Variants in ZNF654 observed in about 807,000 individuals in gnomAD.
ZNF654 encodes the protein zinc finger protein 654, also known as melanoma-associated antigen.
A neutral mutation model predicts 95.3 loss-of-function variants in ZNF654; 19 were observed. That is an observed-to-expected ratio of 0.20 (90% CI 0.14 to 0.29). ZNF654 has a LOEUF of 0.29. Ranked by LOEUF, ZNF654 falls within the 10% of genes least tolerant of loss-of-function variation. The probability of loss-of-function intolerance (pLI) is 1.00; values close to 1 mark genes in which losing one functional copy is unlikely to be tolerated. For missense variants in ZNF654, 1,046 were observed against 1,341.0 expected (o/e 0.78, Z 3.44); for synonymous variants, 413 against 457.9 (o/e 0.90, Z 1.25).
intron 3 of ZNF654, among the ~76,000 whole-genome samples, chr3:88,116,987 A>T (rs183039066): frequency 3.9e-4 from 60 of 152,290 alleles, no homozygotes; most frequent in Non-Finnish European, 7.2e-4. Context: ...AAGACAGTTT[A>T]AAAAAATTTT....
intron 3 of ZNF654, among the ~76,000 whole-genome samples, chr3:88,117,315 A>G (rs1311449107): frequency 6.6e-6 from 1 of 152,236 alleles, no homozygotes; most frequent in African/African-American, 2.4e-5. Context: ...CATGTAGAAC[A>G]AACAGGATTC....
intron 1 of ZNF654, among the ~76,000 whole-genome samples, chr3:88,073,141 T>G (rs1313804054): frequency 6.6e-6 from 1 of 152,098 alleles, no homozygotes; most frequent in African/African-American, 2.4e-5. Context: ...AGACCAACAG[T>G]ATGAGCATCA....
intron 3 of ZNF654, among the ~76,000 whole-genome samples, chr3:88,122,813 C>T (rs979466576): frequency 6.6e-6 from 1 of 151,764 alleles, no homozygotes; most frequent in African/African-American, 2.4e-5. Flanking sequence ...AGTTCGATAC[C>T]AGCCTGGCCA....
At chr3:88,109,972 G>A (rs1329105413) in intron 2 of ZNF654, among the ~76,000 whole-genome samples, 2 of 152,060 alleles carry the variant, frequency 1.3e-5, no homozygotes, top group Non-Finnish European at 2.9e-5. Flanking sequence ...TAATTAGCCT[G>A]TTACATTTCA....
At chr3:88,109,938 A>T (rs543936492) in intron 2 of ZNF654, among the ~76,000 whole-genome samples, 43 of 152,264 alleles carry the variant, frequency 2.8e-4, no homozygotes, top group South Asian at 1.4e-3. Flanking sequence ...TCAGATTTTT[A>T]AAAAAATCTT....
chr3:88,140,110 T>C lies in ZNF654; in HGVS notation c.2441T>C (p.Val814Ala). Residue 814 changes from valine (V) to alanine (A), a missense_variant, in exon 8 of 9, where the codon GTG (valine) becomes GCG (alanine). By Grantham distance (64) the Val-to-Ala change is moderately conservative (BLOSUM62 0). This residue lies in a region of ZNF654 where 495 missense variants were observed against 537.0 expected (regional missense o/e 0.92). Transcript: ENST00000636215. ...CTTAATAGACATAGCTATCCAAATG[T>C]GTATTTTTGTTTGCATTTTAATTGC... ...DHLNRHSYPNVYFCLHFNCNE... is the reference protein window; with the variant it reads ...DHLNRHSYPNAYFCLHFNCNE... 1 of 1,613,890 alleles carries C rather than the reference T, an allele frequency of 6.2e-7. No individual in the cohort carries two copies. Among genetic ancestry groups the C allele is most frequent in the South Asian group, 1.1e-5 (1 of 91,076 alleles).
intron 2 of ZNF654, among the ~76,000 whole-genome samples, chr3:88,096,375 G>A (rs1422275407): frequency 6.6e-6 from 1 of 152,070 alleles, no homozygotes; most frequent in Non-Finnish European, 1.5e-5. Context: ...GTGTGAGAGG[G>A]TACCTCTGAA....
At chr3:88,076,377 T>TC (rs937723121) in intron 1 of ZNF654, among the ~76,000 whole-genome samples, 29 of 152,300 alleles carry the variant, frequency 1.9e-4, no homozygotes, top group African/African-American at 6.3e-4. Flanking sequence ...TAATTTTTTT[T>TC]CCCCATTTTC....
At chr3:88,116,221 T>G (rs181629637) in intron 3 of ZNF654, among the ~76,000 whole-genome samples, 4 of 152,044 alleles carry the variant, frequency 2.6e-5, no homozygotes, top group Admixed American at 2.0e-4. Flanking sequence ...TATACCCACA[T>G]TAAAAATAAG....
intron 3 of ZNF654, among the ~76,000 whole-genome samples, chr3:88,124,163 C>T (rs973662541): frequency 2.6e-5 from 4 of 152,154 alleles, no homozygotes; most frequent in Non-Finnish European, 4.4e-5. Flanking sequence ...GTCTTTTGAG[C>T]GCTTACTAGG....
chr3:88,073,131 A>C (rs1707610293), intron 1 of ZNF654, among the ~76,000 whole-genome samples: 1 of 130,982 alleles, frequency 7.6e-6, no homozygotes. Flanking sequence ...GTGGATCTCC[A>C]GACCAACAGT....
intron 2 of ZNF654, among the ~76,000 whole-genome samples, chr3:88,105,869 G>A (rs918152011): frequency 1.3e-5 from 2 of 152,310 alleles, no homozygotes; most frequent in South Asian, 2.1e-4. Context: ...TAAGAGGTGG[G>A]ACCTTTGAGA....
intron 8 of ZNF654, 32 bp downstream of exon 8, chr3:88,141,080 T>G (rs201054228): frequency 1.2e-5 from 19 of 1,539,242 alleles, no homozygotes; most frequent in Non-Finnish European, 1.6e-5. Flanking sequence ...TAGAGGTATC[T>G]GTAGAAAGAG....
At chr3:88,068,982 T>C (rs547083165) in intron 1 of ZNF654, among the ~76,000 whole-genome samples, 96 of 152,310 alleles carry the variant, frequency 6.3e-4, no homozygotes, top group African/African-American at 2.3e-3. Context: ...TGATATATAC[T>C]GTAGCTTACT....
In ZNF654 at chr3:88,135,208, T is replaced by C; in HGVS notation, c.1035+6T>C. ...TGAAAATCATCAAAGATGAGGTAAA[T>C]AGGATATATTTGTCCCTTAAATTTA... On this transcript the variant is annotated splice_donor_region_variant and intron_variant, in intron 7 of 8. Transcript: ENST00000636215. 1 of 1,458,228 alleles carries C rather than the reference T, an allele frequency of 6.9e-7. No individual in the cohort carries two copies. Among genetic ancestry groups the C allele is most frequent in the Middle Eastern group, 1.8e-4 (1 of 5,700 alleles). 90.3% of individuals were successfully genotyped at this position (1,458,228 alleles called of 1,614,324 possible).
chr3:88,100,823 G>C (rs1403928392), intron 2 of ZNF654, among the ~76,000 whole-genome samples: 2 of 152,122 alleles, frequency 1.3e-5, no homozygotes, highest in Non-Finnish European at 2.9e-5. Flanking sequence ...GGTGGGGAAA[G>C]CGGGGAGGGA....
intron 2 of ZNF654, among the ~76,000 whole-genome samples, chr3:88,088,279 TAATG>T (rs1708440120): frequency 1.3e-5 from 2 of 152,126 alleles, no homozygotes; most frequent in Admixed American, 6.5e-5. Flanking sequence ...TTTTACATAT[TAATG>T]AATATCTAAG....
At chr3:88,104,939 G>C (rs1242946621) in intron 2 of ZNF654, among the ~76,000 whole-genome samples, 2 of 152,222 alleles carry the variant, frequency 1.3e-5, no homozygotes, top group Non-Finnish European at 2.9e-5. Flanking sequence ...GGAAGTTTGA[G>C]ACCAGCCTGG....
chr3:88,140,838 G>C lies in ZNF654; in HGVS notation c.3169G>C (p.Asp1057His), dbSNP rs1418528952. The C allele has an allele frequency of 6.2e-7, 1 of 1,613,526 alleles. No individual in the cohort carries two copies. Among genetic ancestry groups the C allele is most frequent in the Non-Finnish European group, 8.5e-7 (1 of 1,179,720 alleles). ...YVRPLPPSYL[D>H]ERYLSMPKRR... ...CAGACCATTGCCTCCCAGTTACCTTGATGAACGGTATCTTAGTATGCCAAA... is the reference window on the plus strand; with the variant it reads ...CAGACCATTGCCTCCCAGTTACCTTCATGAACGGTATCTTAGTATGCCAAA... The change falls in exon 8 of 9, where the codon GAT becomes CAT. Residue 1057 changes from aspartate (D) to histidine (H), a missense_variant. This residue lies in a region of ZNF654 where 6 missense variants were observed against 31.0 expected (regional missense o/e 0.19). Coordinates refer to ENST00000636215, the MANE Select transcript of ZNF654 (RefSeq NM_001350134.2).
Sources: gnomAD v4.1 joint callset for allele counts (sites outside exome capture counted in the v4.1 genomes callset) on GRCh38, gnomAD v4.1.1 for gene constraint, gnomAD v4.1.1 regional missense constraint, MANE v1.5 for transcripts, NCBI Gene and HGNC (gene_info 2026-07-23, HGNC 2026-07-21) for gene names.